The following SOX8 variants were observed in gnomAD, a reference collection of about 807,000 sequenced individuals.
SOX8 encodes the protein transcription factor SOX-8.
Under a neutral mutation model 22.9 loss-of-function variants are expected in SOX8, and 9 were observed. That is an observed-to-expected ratio of 0.39 (90% CI 0.24 to 0.69). SOX8 has a LOEUF of 0.69. Among genes scored for constraint, SOX8 ranks in the 30% least tolerant of loss-of-function variants. SOX8 has a pLI of 0.43. For missense variants in SOX8, 734 were observed against 699.4 expected (o/e 1.05, Z -0.56); for synonymous variants, 416 against 330.6 (o/e 1.26, Z -2.80).
rs1424555932 is a variant in SOX8 at position 985,740 on chromosome 16, G to T, written c.*354G>T. 1 of 247,804 alleles carries T rather than the reference G, an allele frequency of 4.0e-6. No individual in the cohort carries two copies. The highest frequency in any genetic ancestry group is 9.5e-5 in the South Asian group (1 of 10,582). 15.4% of individuals were successfully genotyped at this position (247,804 alleles called of 1,614,324 possible). ...AGCCCAAGGACCAAAGGAGGGGGTG[G>T]CAGGGGCCTTGCAGGGCGCTGTGAG... On this transcript the variant is annotated 3_prime_UTR_variant, in exon 3 of 3. Coordinates refer to ENST00000293894, the MANE Select transcript of SOX8 (RefSeq NM_014587.5).
chr16:985,385 G>A lies in SOX8; in HGVS notation c.1340G>A (p.Ter447=). 6.5e-7 allele frequency: 1 copy of A among 1,544,108 alleles called. No homozygotes were observed. The highest frequency in any genetic ancestry group is 1.2e-5 in the South Asian group (1 of 85,046). The part of the protein sequence containing the change: ...QPVYTTLTRP[*] ...GTGTACACCACCCTGACCAGGCCCT[G>A]AGGGCCCAGCCGCGGGGAGGGACTC... The change falls in exon 3 of 3, where the codon TGA becomes TAA. Residue 447 remains the stop codon, a stop_retained_variant. Transcript: ENST00000293894.
At chr16:982,452 C>G (rs905637515) in intron 1 of SOX8, 108 bp downstream of exon 1, 35 of 1,164,948 alleles carry the variant, frequency 3.0e-5, no homozygotes, top group Non-Finnish European at 3.8e-5. Flanking sequence ...GGTGGCCACA[C>G]GCAGGCTCCG....
intron 1 of SOX8, chr16:982,696 G>A (rs748208734): frequency 1.7e-5 from 4 of 232,722 alleles, no homozygotes; most frequent in Admixed American, 5.7e-5. Context: ...CCCCAGCCCC[G>A]GGAGGCACGC....
chr16:985,318 C>G lies in SOX8; in HGVS notation c.1273C>G (p.Leu425Val), dbSNP rs1487734058. The G allele has an allele frequency of 6.2e-7, 1 of 1,601,786 alleles. No homozygotes were observed. The highest frequency in any genetic ancestry group is 1.3e-5 in the African/African-American group (1 of 74,886). ...CTCACCCCTGCTCAACGGCCTGGCCCTGCCGCCCGCCCACAGCCCCACCAG... is the reference window on the plus strand; with the variant it reads ...CTCACCCCTGCTCAACGGCCTGGCCGTGCCGCCCGCCCACAGCCCCACCAG... Reference protein sequence around the residue: ...YASPLLNGLALPPAHSPTSHW... With the variant: ...YASPLLNGLAVPPAHSPTSHW... The change falls in exon 3 of 3, where the codon CTG (leucine) becomes GTG (valine). Residue 425 changes from leucine (L) to valine (V), a missense_variant. Leu to Val is a conservative substitution (Grantham distance 32). Coordinates refer to ENST00000293894, the MANE Select transcript of SOX8 (RefSeq NM_014587.5).
At position 982,315 on chromosome 16, in the gene SOX8, G is replaced by T; in HGVS notation, c.393G>T (p.Glu131Asp). ...AGTACCCGCACCTGCACAACGCCGA[G>T]CTCAGCAAGACGCTGGGCAAGCTGT... ...ADQYPHLHNA[E>D]LSKTLGKLWR... is the part of the protein sequence containing the mutation. The change falls in exon 1 of 3, where the codon GAG becomes GAT. Residue 131 changes from glutamate (E) to aspartate (D), a missense_variant. Around this residue, in one of 3 missense-constraint regions of SOX8, gnomAD observed 588 missense variants for 568.2 expected, o/e 1.03. Coordinates refer to ENST00000293894, the MANE Select transcript of SOX8 (RefSeq NM_014587.5). 1 of 1,425,876 alleles carries T rather than the reference G, an allele frequency of 7.0e-7. No homozygotes were observed. The highest frequency in any genetic ancestry group is 2.6e-5 in the Admixed American group (1 of 38,954). 88.3% of individuals were successfully genotyped at this position (1,425,876 alleles called of 1,614,324 possible). A position where few individuals can be genotyped will look rare whatever the true frequency, so the allele number is the denominator to read the frequency against.
At chr16:982,375 G>C in intron 1 of SOX8, 31 bp downstream of exon 1, 1 of 1,319,078 alleles carries the variant, frequency 7.6e-7, no homozygotes. Flanking sequence ...GGCGGGGTTC[G>C]GGACCTTGGC....
At chr16:983,556 A>G (rs1567356672) in intron 1 of SOX8, 172 bp from the exon 2 acceptor site, 1 of 546,692 alleles carries the variant, frequency 1.8e-6, no homozygotes. Context: ...CGGTTCTCCC[A>G]GAGGAGTGTA....
At chr16:984,377 C>T (rs1424281179) in intron 2 of SOX8, among the ~76,000 whole-genome samples, 1 of 152,160 alleles carries the variant, frequency 6.6e-6, no homozygotes, top group Admixed American at 6.5e-5. Flanking sequence ...TTGGCTGGCC[C>T]GGGGAGGAAC....
chr16:985,110 G>A lies in SOX8; in HGVS notation c.1065G>A (p.Ser355=), dbSNP rs751207169. The A allele has an allele frequency of 1.4e-5, 22 of 1,593,766 alleles. No homozygotes were observed. The highest frequency in any genetic ancestry group is 1.5e-5 in the Non-Finnish European group (18 of 1,174,846). Residue 355 remains serine (S), a synonymous_variant, in exon 3 of 3, where the codon TCG becomes TCA. Coordinates refer to ENST00000293894, the MANE Select transcript of SOX8 (RefSeq NM_014587.5). ...ACTACGGCGACCAGCCCCGAGGCTC[G>A]CCCGACTACGGTTCCTGCAGCGGCC... is the stretch of plus-strand genomic sequence containing the variant. The part of the protein sequence containing the change: ...PGHYGDQPRG[S]PDYGSCSGQS...
In SOX8 at chr16:984,413, C is replaced by T. The variant is rs117896469; in HGVS notation, c.656-288C>T. Reference sequence around the variant, plus strand: ...AGGGTCTGTGTGGTCCCCCAGCGCCCTGTAAACCCCAGCTCTGGCCAGGCT... The same window carrying T: ...AGGGTCTGTGTGGTCCCCCAGCGCCTTGTAAACCCCAGCTCTGGCCAGGCT... On this transcript the variant is annotated intron_variant, in intron 2 of 2. Coordinates refer to ENST00000293894, the MANE Select transcript of SOX8 (RefSeq NM_014587.5). Among the ~76,000 whole-genome samples the T allele has an allele frequency of 5.9e-4, 90 of 152,316 alleles. 1 individual carries two copies. In the East Asian group the frequency reaches 0.015, roughly 25 times the overall value.
At chr16:983,482 A>G (rs1293571586) in intron 1 of SOX8, 1 of 393,406 alleles carries the variant, frequency 2.5e-6, no homozygotes, top group Non-Finnish European at 4.5e-6. Flanking sequence ...GGAAGATGGG[A>G]GGCGTGGGGC....
Position 985,149 on chromosome 16 carries a change from C to T in SOX8, c.1104C>T (p.Thr368=). The T allele has an allele frequency of 1.2e-6, 2 of 1,603,584 alleles. No homozygotes were observed. Among genetic ancestry groups the T allele is most frequent in the East Asian group, 2.2e-5 (1 of 44,540 alleles). Residue 368 remains threonine, a synonymous_variant, in exon 3 of 3, where the codon ACC becomes ACT. Coordinates refer to ENST00000293894, the MANE Select transcript of SOX8 (RefSeq NM_014587.5). ...YGSCSGQSSA[T]PAAPAGPFAG... ...CCTGCAGCGGCCAGTCCAGCGCCACCCCGGCCGCCCCCGCCGGCCCCTTCG... is the reference window on the plus strand; with the variant it reads ...CCTGCAGCGGCCAGTCCAGCGCCACTCCGGCCGCCCCCGCCGGCCCCTTCG...
chr16:981,963 G>T lies in SOX8; in HGVS notation c.41G>T (p.Ser14Ile). The change falls in exon 1 of 3, where the codon AGC becomes ATC. Residue 14 changes from serine (S) to isoleucine (I), a missense_variant. Ser to Ile is a moderately radical substitution (Grantham distance 142). Around this residue, in one of 3 missense-constraint regions of SOX8, gnomAD observed 139 missense variants for 109.1 expected, o/e 1.27. Transcript: ENST00000293894. ...GAGGCCCGCTCCCAGCCGCCCTGCA[G>T]CCCGTCCGGCACCGCCAGCTCCATG... ...MSEARSQPPC[S>I]PSGTASSMSH... 1 of 1,438,434 alleles carries T rather than the reference G, an allele frequency of 7.0e-7. No individual in the cohort carries two copies. The highest frequency in any genetic ancestry group is 9.1e-7 in the Non-Finnish European group (1 of 1,094,966). The allele number at this position is 1,438,434 out of a possible 1,614,324, so 89.1% of individuals were successfully genotyped here.
chr16:982,067 G>A lies in SOX8; in HGVS notation c.145G>A (p.Val49Met). The A allele has an allele frequency of 1.5e-6, 2 of 1,297,446 alleles. No homozygotes were observed. Among genetic ancestry groups the A allele is most frequent in the Non-Finnish European group, 1.9e-6 (2 of 1,032,262 alleles). The allele number at this position is 1,297,446 out of a possible 1,614,324, so 80.4% of individuals were successfully genotyped here. A position where few individuals can be genotyped will look rare whatever the true frequency, so the allele number is the denominator to read the frequency against. Residue 49 changes from valine (V) to methionine (M), a missense_variant, in exon 1 of 3, where the codon GTG becomes ATG. Val to Met is a conservative substitution (Grantham distance 21). Coordinates refer to ENST00000293894, the MANE Select transcript of SOX8 (RefSeq NM_014587.5). ...GGGCCTGGGCCGCGCGGGGGTCGCG[G>A]TGGGGGGCGCCCGGGGCGACCCGGC... is the stretch of plus-strand genomic sequence containing the variant. ...SEGLGRAGVA[V>M]GGARGDPAEA...
chr16:982,178 A>C lies in SOX8; in HGVS notation c.256A>C (p.Met86Leu). Reference sequence around the variant, plus strand: ...GGGCTACGACTGGAGTCTGGTGCCCATGCCGGTGCGCGGCGGCGGCGGCGG... The same window carrying C: ...GGGCTACGACTGGAGTCTGGTGCCCCTGCCGGTGCGCGGCGGCGGCGGCGG... ...LKGYDWSLVPMPVRGGGGGAL... is the reference protein window; with the variant it reads ...LKGYDWSLVPLPVRGGGGGAL... The change falls in exon 1 of 3, where the codon ATG becomes CTG. Residue 86 changes from methionine to leucine, a missense_variant. Met to Leu is a conservative substitution (Grantham distance 15). This residue lies in a region of SOX8 where 588 missense variants were observed against 568.2 expected (regional missense o/e 1.03). Coordinates refer to ENST00000293894, the MANE Select transcript of SOX8 (RefSeq NM_014587.5). 6.7e-7 allele frequency: 1 copy of C among 1,502,634 alleles called. No individual in the cohort carries two copies. The highest frequency in any genetic ancestry group is 1.4e-5 in the African/African-American group (1 of 69,106). The allele number at this position is 1,502,634 out of a possible 1,614,324, so 93.1% of individuals were successfully genotyped here. A position where few individuals can be genotyped will look rare whatever the true frequency, so the allele number is the denominator to read the frequency against.
Position 984,721 on chromosome 16 carries a change from A to ACCCCCCC in SOX8, c.680_681insCCCCCCC (p.Thr229ProfsTer253). ...CCCAGGGCAGACCCACGGGCCGCCC[A>ACCCCCCC]CCCCGCCCACCACCCCCAAGACGGA... On this transcript the variant is annotated frameshift_variant, in exon 3 of 3. Coordinates refer to ENST00000293894, the MANE Select transcript of SOX8 (RefSeq NM_014587.5). LOFTEE classifies it low-confidence loss of function (END_TRUNC). 2 of 1,373,992 alleles carry ACCCCCCC rather than the reference A, an allele frequency of 1.5e-6. No individual in the cohort carries two copies. The highest frequency in any genetic ancestry group is 1.9e-6 in the Non-Finnish European group (2 of 1,033,632). 85.1% of individuals were successfully genotyped at this position (1,373,992 alleles called of 1,614,324 possible).
At position 985,700 on chromosome 16, in the gene SOX8, G is replaced by A. The variant is rs952555614; in HGVS notation, c.*314G>A. On this transcript the variant is annotated 3_prime_UTR_variant, in exon 3 of 3. Transcript: ENST00000293894. ...ACCTTCGCTTTGCATCTCGGTAGAGGAGAAACGGCAGCACAGCCCAAGGAC... is the reference window on the plus strand; with the variant it reads ...ACCTTCGCTTTGCATCTCGGTAGAGAAGAAACGGCAGCACAGCCCAAGGAC... 6 of 345,134 alleles carry A rather than the reference G, an allele frequency of 1.7e-5. No individual in the cohort carries two copies. Among genetic ancestry groups the A allele is most frequent in the African/African-American group, 1.3e-4 (6 of 46,476 alleles). 21.4% of individuals were successfully genotyped at this position (345,134 alleles called of 1,614,324 possible). A position where few individuals can be genotyped will look rare whatever the true frequency, so the allele number is the denominator to read the frequency against.
At position 982,333 on chromosome 16, in the gene SOX8, C is replaced by A. The variant is rs1377576469; in HGVS notation, c.411C>A (p.Gly137=). The change falls in exon 1 of 3, where the codon GGC becomes GGA. Residue 137 remains glycine, a synonymous_variant. Transcript: ENST00000293894. ...LHNAELSKTL[G]KLWRLLSESE... is the part of the protein sequence containing the mutation. Reference sequence around the variant, plus strand: ...ACGCCGAGCTCAGCAAGACGCTGGGCAAGCTGTGGCGGTGAGTGCCGGCGC... The same window carrying A: ...ACGCCGAGCTCAGCAAGACGCTGGGAAAGCTGTGGCGGTGAGTGCCGGCGC... 1 of 1,392,178 alleles carries A rather than the reference C, an allele frequency of 7.2e-7. No individual in the cohort carries two copies. The highest frequency in any genetic ancestry group is 2.8e-5 in the East Asian group (1 of 35,376). 86.2% of individuals were successfully genotyped at this position (1,392,178 alleles called of 1,614,324 possible).
In SOX8 at chr16:982,067, G is replaced by T; in HGVS notation, c.145G>T (p.Val49Leu). 1.5e-6 allele frequency: 2 copies of T among 1,297,446 alleles called. No homozygotes were observed. The highest frequency in any genetic ancestry group is 1.9e-6 in the Non-Finnish European group (2 of 1,032,262). 80.4% of individuals were successfully genotyped at this position (1,297,446 alleles called of 1,614,324 possible). A position where few individuals can be genotyped will look rare whatever the true frequency, so the allele number is the denominator to read the frequency against. ...GGGCCTGGGCCGCGCGGGGGTCGCGGTGGGGGGCGCCCGGGGCGACCCGGC... is the reference window on the plus strand; with the variant it reads ...GGGCCTGGGCCGCGCGGGGGTCGCGTTGGGGGGCGCCCGGGGCGACCCGGC... ...SEGLGRAGVA[V>L]GGARGDPAEA... The change falls in exon 1 of 3, where the codon GTG becomes TTG. Residue 49 changes from valine to leucine, a missense_variant. Transcript: ENST00000293894.
Sources: allele counts gnomAD v4.1 joint callset (sites outside exome capture counted in the v4.1 genomes callset), GRCh38; gene constraint gnomAD v4.1.1; regional missense constraint gnomAD v4.1.1; transcripts MANE v1.5; gene names NCBI Gene and HGNC (gene_info 2026-07-23, HGNC 2026-07-21).